Variants in SCAND3 observed in about 807,000 individuals in gnomAD.
SCAND3 encodes SCAN domain containing 3, also known as SCAN domain-containing protein 3.
At chr6:28,581,317 GAC>G in the SCAND3 span, among the ~76,000 whole-genome samples, 1 of 152,142 alleles carries the variant, frequency 6.6e-6, no homozygotes. Flanking sequence ...CAGCCTGGGT[GAC>G]AGAGTGAGAT....
the SCAND3 span, among the ~76,000 whole-genome samples, chr6:28,592,049 CA>C: frequency 4.6e-5 from 7 of 152,284 alleles, no homozygotes; most frequent in South Asian, 1.4e-3. The surrounding 1 kb of genome is among the most constrained non-coding windows in gnomAD (Gnocchi z 4.1). Context: ...TGACAAAATT[CA>C]ACACCCTTTC....
At chr6:28,612,399 T>C in the SCAND3 span, among the ~76,000 whole-genome samples, 1 of 152,144 alleles carries the variant, frequency 6.6e-6, no homozygotes, top group Non-Finnish European at 1.5e-5. Flanking sequence ...AATGTATCAG[T>C]TTACTAACTC....
the SCAND3 span, among the ~76,000 whole-genome samples, chr6:28,583,678 C>T: frequency 1.3e-5 from 2 of 152,188 alleles, no homozygotes; most frequent in Admixed American, 6.5e-5. Flanking sequence ...AATCATGCTG[C>T]GTTCTGCATT....
chr6:28,573,886 TG>T, the SCAND3 span: 1 of 1,428,870 alleles, frequency 7.0e-7, no homozygotes, highest in South Asian at 1.6e-5. Flanking sequence ...CAGCTAACAG[TG>T]TTATACCACA....
chr6:28,579,547 G>T, the SCAND3 span: 6 of 845,176 alleles, frequency 7.1e-6, no homozygotes, highest in Admixed American at 1.4e-4. The surrounding 1 kb of genome is among the most constrained non-coding windows in gnomAD (Gnocchi z 4.5). Flanking sequence ...TTAAGTACAA[G>T]ATAAAACATG....
chr6:28,605,678 CAA>C, the SCAND3 span, among the ~76,000 whole-genome samples: 3,890 of 119,644 alleles, frequency 0.033, 101 homozygotes, highest in African/African-American at 0.082. Flanking sequence ...CTAAAAAATA[CAA>C]AAAAAAAAAA....
chr6:28,605,275 C>T, the SCAND3 span, among the ~76,000 whole-genome samples: 2 of 152,088 alleles, frequency 1.3e-5, no homozygotes, highest in South Asian at 2.1e-4. Context: ...GTCACTTTAG[C>T]GCCCAGAAAA....
At chr6:28,582,387 TC>T in the SCAND3 span, among the ~76,000 whole-genome samples, 1 of 151,988 alleles carries the variant, frequency 6.6e-6, no homozygotes. This position sits in a 1 kb window ranked among gnomAD's most constrained non-coding sequence, Gnocchi z 4.8. Flanking sequence ...AACAGGCATA[TC>T]TTAAGGGGGA....
the SCAND3 span, among the ~76,000 whole-genome samples, chr6:28,608,850 A>C: frequency 6.6e-6 from 1 of 151,616 alleles, no homozygotes; most frequent in African/African-American, 2.4e-5. Flanking sequence ...TTAGCAGGGC[A>C]TGGTGGTGCA....
chr6:28,601,728 G>T, the SCAND3 span, among the ~76,000 whole-genome samples: 1 of 152,176 alleles, frequency 6.6e-6, no homozygotes, highest in Non-Finnish European at 1.5e-5. Context: ...GTTTTGCCAT[G>T]TTGGTCAGGC....
the SCAND3 span, chr6:28,574,870 C>T: frequency 6.2e-7 from 1 of 1,613,884 alleles, no homozygotes; most frequent in African/African-American, 1.3e-5. Context: ...ACTATTAACA[C>T]CTGTGCATTC....
the SCAND3 span, chr6:28,572,840 T>C: frequency 1.2e-6 from 2 of 1,613,816 alleles, no homozygotes; most frequent in South Asian, 1.1e-5. This position sits in a 1 kb window ranked among gnomAD's most constrained non-coding sequence, Gnocchi z 4.1. Flanking sequence ...TTAAGTACAC[T>C]ATTTAGTTCA....
the SCAND3 span, among the ~76,000 whole-genome samples, chr6:28,602,395 A>G: frequency 3.3e-5 from 5 of 152,142 alleles, no homozygotes; most frequent in Non-Finnish European, 4.4e-5. Context: ...TTTAGTAGAG[A>G]CAGGGTTTCA....
the SCAND3 span, chr6:28,598,152 GGT>G: frequency 6.6e-6 from 1 of 152,118 alleles, no homozygotes; most frequent in Admixed American, 6.6e-5. Flanking sequence ...AGCTAGCTTG[GGT>G]CGGGGTTCTG....
At chr6:28,571,504 T>C in the SCAND3 span, 3 of 176,844 alleles carry the variant, frequency 1.7e-5, no homozygotes, top group African/African-American at 2.4e-5. Flanking sequence ...ATTTGAATTC[T>C]AAGCCTACCC....
At chr6:28,594,813 T>C in the SCAND3 span, among the ~76,000 whole-genome samples, 1 of 152,016 alleles carries the variant, frequency 6.6e-6, no homozygotes, top group South Asian at 2.1e-4. Flanking sequence ...CACTTATATG[T>C]GGAATCTAAA....
At chr6:28,609,290 T>A in the SCAND3 span, among the ~76,000 whole-genome samples, 1 of 152,122 alleles carries the variant, frequency 6.6e-6, no homozygotes, top group Non-Finnish European at 1.5e-5. Flanking sequence ...TATAGAGAAT[T>A]TGGTAAAGAA....
chr6:28,573,146 G>C, the SCAND3 span: 1 of 1,612,670 alleles, frequency 6.2e-7, no homozygotes, highest in Non-Finnish European at 8.5e-7. Flanking sequence ...TAGACTAAAA[G>C]AATTATCATG....
At chr6:28,588,689 C>G in the SCAND3 span, among the ~76,000 whole-genome samples, 1 of 152,166 alleles carries the variant, frequency 6.6e-6, no homozygotes, top group Admixed American at 6.5e-5. This position sits in a 1 kb window ranked among gnomAD's most constrained non-coding sequence, Gnocchi z 4.1. Context: ...TTAAATCATA[C>G]TAGACTACAA....
Sources: gnomAD v4.1 joint callset for allele counts (sites outside exome capture counted in the v4.1 genomes callset) on GRCh38, gnomAD v4.1.1 for gene constraint, Gnocchi (gnomAD v3.1) non-coding constraint, MANE v1.5 for transcripts, NCBI Gene and HGNC (gene_info 2026-07-23, HGNC 2026-07-21) for gene names.